The following CCDC82 variants were observed in gnomAD, a reference collection of about 807,000 sequenced individuals.
The protein encoded by CCDC82 is coiled-coil domain-containing protein 82.
Under a neutral mutation model 60.6 loss-of-function variants are expected in CCDC82, and 47 were observed. That is an observed-to-expected ratio of 0.77 (90% CI 0.61 to 0.99). CCDC82 has a LOEUF of 0.99. Among genes scored for constraint, CCDC82 ranks in the 50% least tolerant of loss-of-function variants. CCDC82 has a pLI of 0.00. For synonymous variants in CCDC82, 212 were observed against 207.4 expected (o/e 1.02, Z -0.19); for missense variants, 588 against 633.0 (o/e 0.93, Z 0.76).
chr11:96,384,040 C>T lies in CCDC82; in HGVS notation c.708G>A (p.Lys236=). The part of the protein sequence containing the change: ...KTPEKTLAAQ[K]REKLQKLKEL... ...CTTTGAGCTTCTGAAGTTTTTCTCG[C>T]TTTTGTGCAGCTAATGTTTTTTCAG... is the stretch of plus-strand genomic sequence containing the variant. The change falls in exon 4 of 10, where the codon AAG becomes AAA. Residue 236 remains lysine (K), a synonymous_variant. Coordinates refer to ENST00000646818, the MANE Select transcript of CCDC82 (RefSeq NM_024725.4). 1.2e-6 allele frequency: 2 copies of T among 1,613,724 alleles called. No individual in the cohort carries two copies. Among genetic ancestry groups the T allele is most frequent in the Non-Finnish European group, 1.7e-6 (2 of 1,179,720 alleles).
chr11:96,371,699 G>GC (rs996528132), intron 6 of CCDC82, among the ~76,000 whole-genome samples: 11 of 152,126 alleles, frequency 7.2e-5, no homozygotes, highest in Non-Finnish European at 1.5e-5. Flanking sequence ...ACATGAATTA[G>GC]CCCCTGAATT....
At chr11:96,370,800 A>C (rs1865221273) in intron 7 of CCDC82, among the ~76,000 whole-genome samples, 1 of 152,222 alleles carries the variant, frequency 6.6e-6, no homozygotes, top group Non-Finnish European at 1.5e-5. Context: ...TTCTGAAGTT[A>C]TTCATCATTT....
At chr11:96,388,659 A>C (rs941913871) in intron 1 of CCDC82, 1 of 152,244 alleles carries the variant, frequency 6.6e-6, no homozygotes, top group African/African-American at 2.4e-5. Flanking sequence ...AGGTTAATTC[A>C]TACTCAAGAA....
At chr11:96,357,278 T>G in intron 9 of CCDC82, 2 of 985,402 alleles carry the variant, frequency 2.0e-6, no homozygotes, top group Non-Finnish European at 2.4e-6. Flanking sequence ...ACAAATTTTT[T>G]AAGTGGAGAA....
chr11:96,361,583 G>A (rs1410012002), intron 8 of CCDC82, among the ~76,000 whole-genome samples: 1 of 152,166 alleles, frequency 6.6e-6, no homozygotes, highest in Non-Finnish European at 1.5e-5. Context: ...AACAGTAGAT[G>A]CAAAGGATAG....
chr11:96,383,470 A>C lies in CCDC82; in HGVS notation c.790T>G (p.Ser264Ala), dbSNP rs1480084121. 1.1e-5 allele frequency: 17 copies of C among 1,583,808 alleles called. No homozygotes were observed. The highest frequency in any genetic ancestry group is 1.4e-5 in the Non-Finnish European group (16 of 1,165,192). Residue 264 changes from serine (S) to alanine (A), a missense_variant, in exon 5 of 10, where the codon TCT becomes GCT. Coordinates refer to ENST00000646818, the MANE Select transcript of CCDC82 (RefSeq NM_024725.4). Reference sequence around the variant, plus strand: ...CTGCTTGGGCAAGATTCCTTTTCAGAGTCCTAATTAAATTAAAATAAATGC... The same window carrying C: ...CTGCTTGGGCAAGATTCCTTTTCAGCGTCCTAATTAAATTAAAATAAATGC... ...RRSSGRDFED[S>A]EKESCPSSDE...
chr11:96,372,667 TAAAC>T (rs1227841569), intron 6 of CCDC82, among the ~76,000 whole-genome samples: 1 of 145,148 alleles, frequency 6.9e-6, no homozygotes, highest in Non-Finnish European at 1.5e-5. Flanking sequence ...TAAATATATA[TAAAC>T]ATATATAAAT....
In CCDC82 at chr11:96,384,408, T is replaced by A; in HGVS notation, c.340A>T (p.Asn114Tyr). ...TCAATATTCCTATGTTTGATTTTGT[T>A]CGTTTCTTCTTCATATGTTGAACCG... ...GNGSTYEEET[N>Y]KIKHRNIDLQ... The change falls in exon 4 of 10, where the codon AAC becomes TAC. Residue 114 changes from asparagine to tyrosine, a missense_variant. Physicochemically the swap from Asn to Tyr is moderately radical, Grantham distance 143. Transcript: ENST00000646818. The A allele has an allele frequency of 6.2e-7, 1 of 1,613,872 alleles. No homozygotes were observed. Among genetic ancestry groups the A allele is most frequent in the Non-Finnish European group, 8.5e-7 (1 of 1,179,854 alleles).
At chr11:96,358,713 A>G in intron 9 of CCDC82, 1 of 1,170,022 alleles carries the variant, frequency 8.5e-7, no homozygotes, top group Non-Finnish European at 1.1e-6. Flanking sequence ...TGTAAGCAAT[A>G]CATACATAAA....
At chr11:96,368,903 AT>A (rs1338125606) in intron 7 of CCDC82, among the ~76,000 whole-genome samples, 1 of 151,236 alleles carries the variant, frequency 6.6e-6, no homozygotes, top group Non-Finnish European at 1.5e-5. Flanking sequence ...ACAAAAGACC[AT>A]TTTGTCTACT....
chr11:96,369,439 G>A (rs1028721255), intron 7 of CCDC82, among the ~76,000 whole-genome samples: 3 of 152,098 alleles, frequency 2.0e-5, no homozygotes, highest in South Asian at 2.1e-4. Flanking sequence ...TCACTTGAAC[G>A]ATCAGAGGCC....
intron 7 of CCDC82, among the ~76,000 whole-genome samples, chr11:96,365,689 G>C (rs1864908692): frequency 1.3e-5 from 2 of 152,174 alleles, no homozygotes; most frequent in Non-Finnish European, 2.9e-5. Context: ...TATTCATATG[G>C]ACAGTTTAAT....
chr11:96,381,766 C>CT (rs1324015643), intron 5 of CCDC82: 3 of 151,708 alleles, frequency 2.0e-5, no homozygotes, highest in Admixed American at 6.6e-5. Context: ...CCGCAGACCC[C>CT]TGATAGTGCC....
intron 8 of CCDC82, chr11:96,364,333 C>G (rs745909254): frequency 7.2e-5 from 11 of 152,082 alleles, no homozygotes; most frequent in Non-Finnish European, 1.5e-4. Flanking sequence ...CTAAGTCATT[C>G]TTGCAACCCA....
intron 7 of CCDC82, among the ~76,000 whole-genome samples, chr11:96,370,134 T>C (rs998506414): frequency 2.4e-4 from 37 of 152,208 alleles, no homozygotes; most frequent in Non-Finnish European, 5.9e-5. Flanking sequence ...GGCTAATTTA[T>C]CACCATATAA....
At chr11:96,375,944 A>G (rs1458760356) in intron 5 of CCDC82, among the ~76,000 whole-genome samples, 2 of 152,242 alleles carry the variant, frequency 1.3e-5, no homozygotes, top group Non-Finnish European at 2.9e-5. Flanking sequence ...CTTTTCTCAT[A>G]GTGCTTTAAT....
At chr11:96,377,817 C>G (rs1445150556) in intron 5 of CCDC82, among the ~76,000 whole-genome samples, 1 of 151,962 alleles carries the variant, frequency 6.6e-6, no homozygotes, top group East Asian at 1.9e-4. Context: ...AAACTATTTT[C>G]ATCAATTTAT....
Position 96,383,366 on chromosome 11 carries a change from A to T in CCDC82, c.894T>A (p.Phe298Leu), listed in dbSNP as rs776730305. ...CATCACCCTCCTCATCTTGCACTAC[A>T]AAGTCATCGATAATATAATCATCTC... Reference protein sequence around the residue: ...EDGDDYIIDDFVVQDEEGDEE... With the variant: ...EDGDDYIIDDLVVQDEEGDEE... Residue 298 changes from phenylalanine (F) to leucine (L), a missense_variant, in exon 5 of 10, where the codon TTT becomes TTA. Coordinates refer to ENST00000646818, the MANE Select transcript of CCDC82 (RefSeq NM_024725.4). The T allele has an allele frequency of 1.2e-6, 2 of 1,603,752 alleles. No individual in the cohort carries two copies. Among genetic ancestry groups the T allele is most frequent in the South Asian group, 2.2e-5 (2 of 90,436 alleles).
chr11:96,364,862 G>T, intron 8 of CCDC82, 118 bp downstream of exon 8: 1 of 856,148 alleles, frequency 1.2e-6, no homozygotes, highest in Non-Finnish European at 1.8e-6. Flanking sequence ...TGCCAATTTG[G>T]TGGATTATAT....
Sources: allele counts gnomAD v4.1 joint callset (sites outside exome capture counted in the v4.1 genomes callset), GRCh38; gene constraint gnomAD v4.1.1; transcripts MANE v1.5; gene names NCBI Gene and HGNC (gene_info 2026-07-23, HGNC 2026-07-21).